The following COL6A5 variants were observed in gnomAD, a reference collection of about 807,000 sequenced individuals.
COL6A5 encodes collagen type VI alpha 5 chain.
A neutral mutation model predicts 65.6 loss-of-function variants in COL6A5; 48 were observed. That is an observed-to-expected ratio of 0.73 (90% CI 0.58 to 0.93). COL6A5 has a LOEUF of 0.93. Ranked by LOEUF, COL6A5 falls within the 40% of genes least tolerant of loss-of-function variation. COL6A5 has a pLI of 0.00. For missense variants in COL6A5, 914 were observed against 928.3 expected (o/e 0.98, Z 0.20); for synonymous variants, 291 against 322.8 (o/e 0.90, Z 1.05).
chr3:130,459,412 G>C (rs1709652148), intron 5 of COL6A5, among the ~76,000 whole-genome samples: 1 of 152,062 alleles, frequency 6.6e-6, no homozygotes, highest in Non-Finnish European at 1.5e-5. Context: ...GTGATGACCT[G>C]GTAAAAACTC....
intron 7 of COL6A5, among the ~76,000 whole-genome samples, chr3:130,472,697 T>C (rs1709983087): frequency 6.6e-6 from 1 of 151,686 alleles, no homozygotes. Flanking sequence ...AAAGCACTAT[T>C]TGTGTTGCCC....
Position 130,380,071 on chromosome 3 carries a change from T to A in COL6A5, c.1300+21T>A, listed in dbSNP as rs1015654380. On this transcript the variant is annotated intron_variant and NMD_transcript_variant, in intron 4 of 41. Coordinates refer to the COL6A5 transcript ENST00000312481. ...AACTGGTATGTTTTTTAAAATACTTTTCTAATTATAAAATTAATATAAGTG... is the reference window on the plus strand; with the variant it reads ...AACTGGTATGTTTTTTAAAATACTTATCTAATTATAAAATTAATATAAGTG... 13 of 1,446,466 alleles carry A rather than the reference T, an allele frequency of 9.0e-6. No homozygotes were observed. In the African/African-American group the frequency reaches 1.9e-4, roughly 21 times the overall value. 89.6% of individuals were successfully genotyped at this position (1,446,466 alleles called of 1,614,324 possible).
In COL6A5 at chr3:130,409,584, G is replaced by A. The variant is rs1443623217; in HGVS notation, c.4542+196G>A. ...TAGGCCCATCTTCTGAATCCTTATG[G>A]TACGCTGAGACTTTCTGGTTCCTTT... is the stretch of plus-strand genomic sequence containing the variant. On this transcript the variant is annotated intron_variant and NMD_transcript_variant, in intron 18 of 41. Coordinates refer to the COL6A5 transcript ENST00000312481. Among the ~76,000 whole-genome samples the A allele has an allele frequency of 2.2e-4, 34 of 152,116 alleles. 1 individual carries two copies. Among genetic ancestry groups the A allele is most frequent in the Admixed American group, 2.2e-3 (34 of 15,276 alleles).
chr3:130,397,714 G>T (rs1264447882), exon 9 of COL6A5: 1 of 1,551,024 alleles, frequency 6.4e-7, no homozygotes, highest in Non-Finnish European at 8.7e-7. Context: ...TATCAAGGGG[G>T]TGAGCTGTGG....
In COL6A5 at chr3:130,410,451, G is replaced by A. The variant is rs909995814; in HGVS notation, c.4609-20G>A. The A allele has an allele frequency of 8.4e-6, 13 of 1,543,364 alleles. No homozygotes were observed. Among genetic ancestry groups the A allele is most frequent in the Non-Finnish European group, 9.6e-6 (11 of 1,140,740 alleles). On this transcript the variant is annotated intron_variant and NMD_transcript_variant, in intron 19 of 41. Transcript: ENST00000312481. ...CAGAATTTTTTCCTTTTGATCTTGAGGAAATTATTATATTTTTAGGGTAGA... is the reference window on the plus strand; with the variant it reads ...CAGAATTTTTTCCTTTTGATCTTGAAGAAATTATTATATTTTTAGGGTAGA...
chr3:130,440,471 A>T, exon 3 of COL6A5: 1 of 1,613,772 alleles, frequency 6.2e-7, no homozygotes, highest in Non-Finnish European at 8.5e-7. Flanking sequence ...GAAGAATCAC[A>T]TCCAGACTTC....
chr3:130,394,748 G>A (rs562838278), intron 7 of COL6A5, 142 bp from the exon 8 acceptor site: 1 of 622,378 alleles, frequency 1.6e-6, no homozygotes, highest in East Asian at 2.9e-5. Context: ...TTGAGGATCA[G>A]TGATTCTCTC....
chr3:130,428,318 A>T (rs1309414934), upstream of COL6A5, among the ~76,000 whole-genome samples: 2 of 152,130 alleles, frequency 1.3e-5, no homozygotes, highest in African/African-American at 4.8e-5. Flanking sequence ...AAGGCTTCTC[A>T]TCTAACATCA....
intron 4 of COL6A5, among the ~76,000 whole-genome samples, chr3:130,382,911 G>C (rs1256634648): frequency 6.6e-6 from 1 of 152,066 alleles, no homozygotes. Context: ...CATCTTCCAA[G>C]TGGTACATTC....
At chr3:130,440,764 A>G in exon 3 of COL6A5, 1 of 1,613,364 alleles carries the variant, frequency 6.2e-7, no homozygotes, top group African/African-American at 1.3e-5. Context: ...TTGGGAGAAT[A>G]CATAAACCAG....
chr3:130,358,597 C>G (rs564935130), intron 1 of COL6A5, among the ~76,000 whole-genome samples: 101 of 152,174 alleles, frequency 6.6e-4, no homozygotes, highest in Non-Finnish European at 1.1e-3. Context: ...CCCAATCTCA[C>G]TAGTAATTAT....
chr3:130,387,460 T>G (rs1168083266), intron 5 of COL6A5, among the ~76,000 whole-genome samples: 1 of 152,092 alleles, frequency 6.6e-6, no homozygotes, highest in Admixed American at 6.6e-5. Flanking sequence ...AAGAGAATCT[T>G]TCACACTTCA....
intron 5 of COL6A5, among the ~76,000 whole-genome samples, chr3:130,467,227 ATGG>A (rs1385040717): frequency 6.6e-6 from 1 of 151,968 alleles, no homozygotes; most frequent in Non-Finnish European, 1.5e-5. Context: ...TGCGAATAAC[ATGG>A]TGGTTAACAG....
At chr3:130,421,172 G>A (rs1378752039) in exon 26 of COL6A5, 1 of 1,550,580 alleles carries the variant, frequency 6.4e-7, no homozygotes, top group Non-Finnish European at 8.7e-7. Context: ...GGCATCCCAG[G>A]CTACGGTCAG....
At position 130,459,306 on chromosome 3, in the gene COL6A5, T is replaced by C. The variant is rs1457700746; in HGVS notation, c.1544+3640T>C. Among the ~76,000 whole-genome samples, 3 of 152,126 alleles carry C rather than the reference T, an allele frequency of 2.0e-5. No homozygotes were observed. The East Asian group carries it at 5.8e-4, about 29-fold the overall frequency. ...TTGTTTTTAATTTTTCTAACTTTAC[T>C]CTTATTCTGATTTATAAATTGTTTT... On this transcript the variant is annotated intron_variant, in intron 5 of 7. Coordinates refer to ENST00000512836, the Ensembl canonical transcript of COL6A5.
chr3:130,410,144 G>A (rs1188154646), intron 19 of COL6A5, 70 bp downstream of exon 19: 1 of 1,137,918 alleles, frequency 8.8e-7, no homozygotes, highest in Non-Finnish European at 1.3e-6. Context: ...AGTAAGATAT[G>A]TAACCCTTCT....
At chr3:130,456,307 A>G (rs1056392439) in intron 5 of COL6A5, among the ~76,000 whole-genome samples, 1 of 152,132 alleles carries the variant, frequency 6.6e-6, no homozygotes, top group Non-Finnish European at 1.5e-5. Flanking sequence ...GAGTATGTCT[A>G]TATTTTCATT....
intron 3 of COL6A5, among the ~76,000 whole-genome samples, chr3:130,443,228 C>T (rs35241659): frequency 0.057 from 8,715 of 152,204 alleles, 372 homozygotes; most frequent in Middle Eastern, 0.11. Context: ...TCACAACTAG[C>T]TCTTAGATGA....
chr3:130,366,060 A>G (rs1337947845), intron 1 of COL6A5, among the ~76,000 whole-genome samples: 1 of 152,186 alleles, frequency 6.6e-6, no homozygotes, highest in Non-Finnish European at 1.5e-5. Context: ...TACTGAAACT[A>G]TGGATAGTAA....
Sources: gnomAD v4.1 joint callset for allele counts (sites outside exome capture counted in the v4.1 genomes callset) on GRCh38, gnomAD v4.1.1 for gene constraint, MANE v1.5 for transcripts, NCBI Gene and HGNC (gene_info 2026-07-23, HGNC 2026-07-21) for gene names.